Variants in EPHA6 observed in about 807,000 individuals in gnomAD.
EPHA6 encodes EPH receptor A6, also known as ephrin type-A receptor 6.
A neutral mutation model predicts 112.0 loss-of-function variants in EPHA6; 50 were observed. The ratio of observed to expected loss-of-function variants is 0.45; its 90% CI spans 0.36 to 0.56. The LOEUF is 0.56. EPHA6 is among the 20% of genes least tolerant of loss of function. The pLI is 0.00. For synonymous variants in EPHA6, 529 were observed against 490.7 expected, an observed-to-expected ratio of 1.08 and a Z score of -1.03; for missense variants, 1,280 against 1,417.4, an observed-to-expected ratio of 0.90 and a Z score of 1.56.
At chr3:96,984,122 A>T (rs1039453780) in intron 2 of EPHA6, among the ~76,000 whole-genome samples, 3 of 151,856 alleles carry the variant, frequency 2.0e-5, no homozygotes, top group African/African-American at 7.3e-5. Flanking sequence ...GGAGGGGGAG[A>T]GGTGCTCTGG....
At chr3:97,018,333 CAA>C (rs1223109866) in intron 3 of EPHA6, among the ~76,000 whole-genome samples, 1 of 151,966 alleles carries the variant, frequency 6.6e-6, no homozygotes, top group Non-Finnish European at 1.5e-5. Flanking sequence ...AGACACAAGA[CAA>C]AGAGATAAAA....
chr3:97,084,105 T>TATATCC (rs2046814645), intron 3 of EPHA6, among the ~76,000 whole-genome samples: 1 of 68,988 alleles, frequency 1.4e-5, no homozygotes, highest in Non-Finnish European at 2.6e-5. Flanking sequence ...TGCATGGATA[T>TATATCC]ATATATATAT....
chr3:97,391,645 G>A (rs375218677), intron 5 of EPHA6, among the ~76,000 whole-genome samples: 16 of 151,882 alleles, frequency 1.1e-4, no homozygotes, highest in African/African-American at 3.9e-4. Context: ...CTTCAGATAA[G>A]GGCAGTCAAT....
chr3:97,155,304 G>A (rs150052301), intron 3 of EPHA6, among the ~76,000 whole-genome samples: 3 of 152,176 alleles, frequency 2.0e-5, no homozygotes, highest in East Asian at 3.9e-4. Context: ...TTCTTTTGCC[G>A]TAGCTGTACA....
intron 14 of EPHA6, among the ~76,000 whole-genome samples, chr3:97,642,393 C>A (rs1490867498): frequency 1.4e-4 from 20 of 142,542 alleles, no homozygotes; most frequent in Non-Finnish European, 2.9e-4. Flanking sequence ...CTCTCCTCCT[C>A]CAAAGGAACG....
intron 15 of EPHA6, among the ~76,000 whole-genome samples, chr3:97,730,146 T>G (rs1282721782): frequency 1.3e-5 from 2 of 152,100 alleles, no homozygotes; most frequent in Admixed American, 1.3e-4. Context: ...TGTCTCAATA[T>G]CTTCTTATTG....
At chr3:97,037,500 A>C (rs766673207) in intron 3 of EPHA6, among the ~76,000 whole-genome samples, 1 of 152,040 alleles carries the variant, frequency 6.6e-6, no homozygotes, top group Non-Finnish European at 1.5e-5. Context: ...ATGTGTCAGC[A>C]GTATAGTGAG....
chr3:97,687,018 G>A (rs2032301450), intron 14 of EPHA6, among the ~76,000 whole-genome samples: 2 of 152,152 alleles, frequency 1.3e-5, no homozygotes, highest in African/African-American at 4.8e-5. Context: ...CACTTCACCT[G>A]CAATGATTTG....
chr3:97,125,361 C>T (rs1379434011), intron 3 of EPHA6, among the ~76,000 whole-genome samples: 1 of 152,110 alleles, frequency 6.6e-6, no homozygotes, highest in Non-Finnish European at 1.5e-5. Flanking sequence ...CTCAGTTCAA[C>T]AAGGTTATTT....
At chr3:96,972,502 C>T (rs183288424) in intron 2 of EPHA6, among the ~76,000 whole-genome samples, 42 of 151,932 alleles carry the variant, frequency 2.8e-4, no homozygotes, top group Admixed American at 9.2e-4. Context: ...ATATGTTTCT[C>T]CAACAGTCCC....
chr3:97,198,072 AAG>A, intron 3 of EPHA6, among the ~76,000 whole-genome samples: 1 of 152,176 alleles, frequency 6.6e-6, no homozygotes, highest in South Asian at 2.1e-4. Flanking sequence ...TCAGGAACTC[AAG>A]ACTATCTTTT....
At chr3:96,936,447 A>G (rs545634803) in intron 2 of EPHA6, among the ~76,000 whole-genome samples, 2 of 152,140 alleles carry the variant, frequency 1.3e-5, no homozygotes, top group African/African-American at 4.8e-5. Flanking sequence ...ATGAAGTTAA[A>G]TTATAAAATT....
intron 13 of EPHA6, among the ~76,000 whole-genome samples, chr3:97,621,129 T>A (rs1036965341): frequency 5.3e-5 from 8 of 151,956 alleles, no homozygotes; most frequent in African/African-American, 1.4e-4. Context: ...AGGATGGAAC[T>A]AGAGGCTGTT....
chr3:96,949,726 T>A, intron 2 of EPHA6, among the ~76,000 whole-genome samples: 1 of 152,150 alleles, frequency 6.6e-6, no homozygotes, highest in East Asian at 1.9e-4. Context: ...TTTCTCTAAC[T>A]TCTATTTAAA....
At chr3:97,375,177 C>T (rs1559934740) in intron 5 of EPHA6, among the ~76,000 whole-genome samples, 1 of 152,124 alleles carries the variant, frequency 6.6e-6, no homozygotes, top group African/African-American at 2.4e-5. Context: ...TTTCTACATA[C>T]ACTGGTCATC....
chr3:97,630,752 T>C (rs116751930), intron 13 of EPHA6, among the ~76,000 whole-genome samples: 2,171 of 152,140 alleles, frequency 0.014, 50 homozygotes, highest in African/African-American at 0.05. Flanking sequence ...GGGGAAAGTG[T>C]GTTTTCCTTC....
intron 5 of EPHA6, among the ~76,000 whole-genome samples, chr3:97,365,667 C>T (rs112421963): frequency 0.034 from 5,224 of 152,234 alleles, 228 homozygotes; most frequent in African/African-American, 0.1. Context: ...GGATTACAGG[C>T]GTCAGCCACC....
intron 5 of EPHA6, among the ~76,000 whole-genome samples, 189 bp from the exon 6 acceptor site, chr3:97,404,961 C>A (rs541566196): frequency 1.3e-5 from 2 of 152,146 alleles, no homozygotes; most frequent in Middle Eastern, 6.8e-3. Flanking sequence ...TAAGAGTGTT[C>A]CTAAATATAT....
chr3:97,405,680 G>A (rs896033912), intron 6 of EPHA6, among the ~76,000 whole-genome samples: 12 of 152,192 alleles, frequency 7.9e-5, no homozygotes, highest in Admixed American at 5.9e-4. Flanking sequence ...CTTTGCCAGT[G>A]TGTTTAGAGT....
Sources: allele counts gnomAD v4.1 joint callset (sites outside exome capture counted in the v4.1 genomes callset), GRCh38; gene constraint gnomAD v4.1.1; transcripts MANE v1.5; gene names NCBI Gene and HGNC (gene_info 2026-07-23, HGNC 2026-07-21).